ADARB2: variants seen among roughly 807,000 people sequenced by gnomAD.
ADARB2 encodes the protein inactive double-stranded RNA-specific editase B2.
A neutral mutation model predicts 62.2 loss-of-function variants in ADARB2; 25 were observed. That is an observed-to-expected ratio of 0.40 (90% CI 0.29 to 0.56). The LOEUF (loss-of-function observed/expected upper bound fraction) is 0.56. ADARB2 is among the 20% of genes least tolerant of loss of function. The pLI, the probability that ADARB2 is intolerant of heterozygous loss-of-function variation, is 0.43. For synonymous variants in ADARB2, 572 were observed against 500.8 expected, an observed-to-expected ratio of 1.14 and a Z score of -1.90; for missense variants, 1,071 against 1,077.4, an observed-to-expected ratio of 0.99 and a Z score of 0.08.
chr10:1,266,905 C>T (rs371528933), intron 4 of ADARB2, among the ~76,000 whole-genome samples: 2 of 152,112 alleles, frequency 1.3e-5, no homozygotes. Context: ...GAGGGAAAGG[C>T]AGTTTATGAG....
At chr10:1,492,189 G>C (rs1046490558) in intron 1 of ADARB2, among the ~76,000 whole-genome samples, 3 of 152,192 alleles carry the variant, frequency 2.0e-5, no homozygotes, top group Non-Finnish European at 4.4e-5. Context: ...GTAAAACTAA[G>C]TAATGGGATG....
intron 1 of ADARB2, among the ~76,000 whole-genome samples, chr10:1,411,860 A>C (rs1271345782): frequency 6.6e-6 from 1 of 152,204 alleles, no homozygotes; most frequent in Non-Finnish European, 1.5e-5. Context: ...GTTTCTCTGC[A>C]TTTTCAACCA....
intron 1 of ADARB2, among the ~76,000 whole-genome samples, chr10:1,700,170 C>T (rs76671909): frequency 5.3e-3 from 36 of 6,750 alleles, no homozygotes; most frequent in African/African-American, 0.012. Flanking sequence ...CACTCGCCAA[C>T]ACACACAATC....
intron 1 of ADARB2, among the ~76,000 whole-genome samples, chr10:1,528,876 G>A (rs775057386): frequency 2.0e-5 from 3 of 152,176 alleles, no homozygotes; most frequent in Non-Finnish European, 4.4e-5. Context: ...GGTCCCAAGC[G>A]GGATCTGCCC....
At chr10:1,319,838 C>T (rs1395654681) in intron 3 of ADARB2, among the ~76,000 whole-genome samples, 1 of 152,152 alleles carries the variant, frequency 6.6e-6, no homozygotes, top group African/African-American at 2.4e-5. Flanking sequence ...TAGAGAGTCG[C>T]CATGTTGTCT....
chr10:1,265,457 G>A (rs557130636), intron 4 of ADARB2, among the ~76,000 whole-genome samples: 1 of 152,248 alleles, frequency 6.6e-6, no homozygotes, highest in Non-Finnish European at 1.5e-5. Flanking sequence ...TGAAACGAGA[G>A]GATTCGGGAG....
chr10:1,513,431 G>A (rs1371010271), intron 1 of ADARB2, among the ~76,000 whole-genome samples: 1 of 152,204 alleles, frequency 6.6e-6, no homozygotes. Flanking sequence ...ACTCTGGAGT[G>A]TGTGGCTAGC....
At chr10:1,207,722 T>C (rs1837088482) in intron 7 of ADARB2, among the ~76,000 whole-genome samples, 1 of 152,372 alleles carries the variant, frequency 6.6e-6, no homozygotes, top group African/African-American at 2.4e-5. Flanking sequence ...GAGAAAGTTT[T>C]AATCTGTTCA....
intron 7 of ADARB2, among the ~76,000 whole-genome samples, chr10:1,205,583 C>T (rs146456628): frequency 9.2e-5 from 14 of 152,342 alleles, no homozygotes; most frequent in African/African-American, 3.4e-4. Flanking sequence ...TGCTTGTGTT[C>T]CCAAAAATTC....
At chr10:1,506,483 C>T (rs1413616294) in intron 1 of ADARB2, among the ~76,000 whole-genome samples, 2 of 152,208 alleles carry the variant, frequency 1.3e-5, no homozygotes, top group East Asian at 3.9e-4. Flanking sequence ...CTCTGCAGCG[C>T]TTTTCTGTTA....
At chr10:1,439,848 G>A (rs1410208973) in intron 1 of ADARB2, among the ~76,000 whole-genome samples, 2 of 149,866 alleles carry the variant, frequency 1.3e-5, no homozygotes, top group East Asian at 3.9e-4. Context: ...CTTCACTGTG[G>A]GGCTTCTGAG....
At chr10:1,256,806 T>A (rs974073115) in intron 4 of ADARB2, among the ~76,000 whole-genome samples, 3 of 152,132 alleles carry the variant, frequency 2.0e-5, no homozygotes, top group East Asian at 1.9e-4. Context: ...CTATTAAAAG[T>A]CTATTTATCT....
chr10:1,528,273 A>AT (rs1413762625), intron 1 of ADARB2, among the ~76,000 whole-genome samples: 1 of 152,208 alleles, frequency 6.6e-6, no homozygotes, highest in Non-Finnish European at 1.5e-5. Context: ...GTCTACCCAG[A>AT]TTTTTAAAGG....
At chr10:1,322,547 T>G (rs1042303499) in intron 3 of ADARB2, among the ~76,000 whole-genome samples, 1 of 152,108 alleles carries the variant, frequency 6.6e-6, no homozygotes, top group Non-Finnish European at 1.5e-5. Context: ...AGGCTAATAT[T>G]GAGGAAGGAG....
intron 3 of ADARB2, among the ~76,000 whole-genome samples, chr10:1,350,225 C>T (rs998304800): frequency 2.0e-5 from 3 of 152,172 alleles, no homozygotes; most frequent in East Asian, 3.8e-4. Context: ...AAGTGCCTGA[C>T]GTCCAGGCTT....
chr10:1,350,485 T>G (rs1163974653), intron 3 of ADARB2, among the ~76,000 whole-genome samples: 1 of 152,176 alleles, frequency 6.6e-6, no homozygotes, highest in African/African-American at 2.4e-5. Flanking sequence ...TCACACCTGG[T>G]CTGACTTACA....
At chr10:1,510,110 C>CTTTCTTTCTT (rs1289777469) in intron 1 of ADARB2, among the ~76,000 whole-genome samples, 12 of 106,252 alleles carry the variant, frequency 1.1e-4, no homozygotes, top group African/African-American at 1.8e-4. Flanking sequence ...CTTTCTTTCT[C>CTTTCTTTCTT]TCTTTCTTTC....
intron 4 of ADARB2, among the ~76,000 whole-genome samples, chr10:1,247,639 C>T (rs974902021): frequency 6.6e-6 from 1 of 152,188 alleles, no homozygotes; most frequent in Non-Finnish European, 1.5e-5. Flanking sequence ...GAGAACAGAG[C>T]TCAGTAGCAG....
intron 1 of ADARB2, among the ~76,000 whole-genome samples, chr10:1,610,910 T>G (rs1290383629): frequency 6.6e-5 from 10 of 151,568 alleles, no homozygotes; most frequent in Non-Finnish European, 1.2e-4. Flanking sequence ...ACACACAGAC[T>G]CACACACACA....
Sources: allele counts gnomAD v4.1 joint callset (sites outside exome capture counted in the v4.1 genomes callset), GRCh38; gene constraint gnomAD v4.1.1; transcripts MANE v1.5; gene names NCBI Gene and HGNC (gene_info 2026-07-23, HGNC 2026-07-21).